NTRK3: variants seen among roughly 807,000 people sequenced by gnomAD.
NTRK3 encodes the protein neurotrophic receptor tyrosine kinase 3.
In NTRK3, 24 loss-of-function variants were observed where a neutral mutation model predicts 91.7. The ratio of observed to expected loss-of-function variants is 0.26; its 90% CI spans 0.19 to 0.37. NTRK3 has a LOEUF of 0.37. NTRK3 is among the 10% of genes least tolerant of loss of function. The pLI, the probability that NTRK3 is intolerant of heterozygous loss-of-function variation, is 1.00. For synonymous variants in NTRK3, 483 were observed against 404.0 expected (o/e 1.20, Z -2.34); for missense variants, 880 against 1,068.9 (o/e 0.82, Z 2.46).
chr15:88,163,438 C>A (rs2044649075), intron 5 of NTRK3, among the ~76,000 whole-genome samples: 4 of 152,154 alleles, frequency 2.6e-5, no homozygotes, highest in African/African-American at 7.2e-5. Context: ...ACCTCCAGAC[C>A]ACTGGTTTTC....
Position 87,933,156 on chromosome 15 carries a change from C to T in NTRK3, c.1745G>A (p.Arg582Gln), listed in dbSNP as rs202056599. The T allele has an allele frequency of 2.0e-5, 32 of 1,613,986 alleles. No individual in the cohort carries two copies. The Middle Eastern group carries it at 4.9e-4, about 25-fold the overall frequency. ...CTCGGCCTCCCTCTGGAAATCCTTCCGGGCAGCCAGGGTGGGATCCTTCAG... is the reference window on the plus strand; with the variant it reads ...CTCGGCCTCCCTCTGGAAATCCTTCTGGGCAGCCAGGGTGGGATCCTTCAG... Residue 582 changes from arginine (R) to glutamine (Q), a missense_variant, in exon 16 of 19, where the codon CGG becomes CAG. By Grantham distance (43) the Arg-to-Gln change is conservative. Transcript: ENST00000394480.
chr15:87,884,455 C>G (rs2065423758), intron 17 of NTRK3, among the ~76,000 whole-genome samples: 1 of 151,560 alleles, frequency 6.6e-6, no homozygotes, highest in African/African-American at 2.4e-5. Flanking sequence ...TTTCCCAAAC[C>G]ATTCTATGTG....
At chr15:88,071,575 T>C (rs777375027) in intron 13 of NTRK3, among the ~76,000 whole-genome samples, 3 of 152,236 alleles carry the variant, frequency 2.0e-5, no homozygotes, top group Non-Finnish European at 2.9e-5. Flanking sequence ...CCTATTATGG[T>C]TAGGCAGCAT....
chr15:88,023,221 G>T (rs572193447), intron 14 of NTRK3, among the ~76,000 whole-genome samples: 13 of 152,204 alleles, frequency 8.5e-5, no homozygotes, highest in African/African-American at 3.1e-4. Context: ...CATGGGCCCA[G>T]GACTTATTTG....
chr15:87,863,524 CT>C (rs36088298), exon 19 of NTRK3: 3,072 of 193,000 alleles, frequency 0.016, 3 homozygotes, highest in Middle Eastern at 0.031. Context: ...TTCCAAAAGT[CT>C]TTTTTTTTTT....
chr15:88,033,139 CACAA>C, intron 13 of NTRK3, 94 bp from the exon 14 acceptor site: 2 of 1,065,924 alleles, frequency 1.9e-6, no homozygotes, highest in Non-Finnish European at 2.7e-6. Flanking sequence ...CTGTTCCCAT[CACAA>C]ACATTTTCTT....
rs1567690414 is a variant in NTRK3, at chr15:88,233,172, A to G, written c.248+22734T>C. Among the ~76,000 whole-genome samples, 1 of 152,220 alleles carries G rather than the reference A, an allele frequency of 6.6e-6. No individual in the cohort carries two copies. The highest frequency in any genetic ancestry group is 1.5e-5 in the Non-Finnish European group (1 of 68,038). ...CCCCAGGCTATTTTCCTCTGGAGCT[A>G]AAGCCTGAATAAGCAAAAAGAAAAA... On this transcript the variant is annotated intron_variant, in intron 3 of 18. Coordinates refer to ENST00000394480, the Ensembl canonical transcript of NTRK3. This position sits in a 1 kb window ranked among gnomAD's most constrained non-coding sequence, Gnocchi z 4.2.
At chr15:88,139,796 A>C (rs1347192691) in intron 6 of NTRK3, among the ~76,000 whole-genome samples, 1 of 151,708 alleles carries the variant, frequency 6.6e-6, no homozygotes, top group Non-Finnish European at 1.5e-5. Flanking sequence ...GGACTTCAAA[A>C]CTCATGCACT....
chr15:87,989,008 C>G (rs760506354), intron 14 of NTRK3, among the ~76,000 whole-genome samples: 21 of 151,936 alleles, frequency 1.4e-4, no homozygotes, highest in Non-Finnish European at 2.8e-4. Flanking sequence ...ACTTTCACCT[C>G]CTGGGTCCAA....
At chr15:87,917,235 G>A (rs2067510591) in intron 17 of NTRK3, among the ~76,000 whole-genome samples, 1 of 152,146 alleles carries the variant, frequency 6.6e-6, no homozygotes, top group Non-Finnish European at 1.5e-5. Flanking sequence ...CACTTCTAAA[G>A]AATGTTAATA....
intron 14 of NTRK3, among the ~76,000 whole-genome samples, chr15:87,952,231 AAAG>A (rs2071192538): frequency 7.1e-6 from 1 of 141,348 alleles, no homozygotes; most frequent in African/African-American, 3.2e-5. Flanking sequence ...AAGAGAAAGA[AAAG>A]AAAAGAAAAA....
In NTRK3 at chr15:88,132,794, T is replaced by A. The variant is rs192580634; in HGVS notation, c.1204+2307A>T. Among the ~76,000 whole-genome samples, 339 of 152,280 alleles carry A rather than the reference T, an allele frequency of 2.2e-3. 3 individuals are homozygous for A. The highest frequency in any genetic ancestry group is 7.6e-3 in the African/African-American group (316 of 41,558). On this transcript the variant is annotated intron_variant, in intron 10 of 18. Coordinates refer to ENST00000394480, the Ensembl canonical transcript of NTRK3. ...TTGGCATCGTTTCCCTGTCACTGCC[T>A]TTTCATCACCCATTGATCCCTTTAA... is the stretch of plus-strand genomic sequence containing the variant.
At chr15:87,862,606 C>A (rs1596026015) in exon 19 of NTRK3, 1 of 227,156 alleles carries the variant, frequency 4.4e-6, no homozygotes, top group Admixed American at 5.7e-5. Context: ...TAAGAGTAGA[C>A]AATGATGACT....
intron 14 of NTRK3, among the ~76,000 whole-genome samples, chr15:87,973,577 A>C (rs910070651): frequency 6.6e-6 from 1 of 152,186 alleles, no homozygotes; most frequent in Admixed American, 6.5e-5. Flanking sequence ...ATGCAGAACC[A>C]GAGCTATCCA....
chr15:88,073,218 A>T (rs2047240694), intron 13 of NTRK3, among the ~76,000 whole-genome samples: 1 of 152,350 alleles, frequency 6.6e-6, no homozygotes, highest in African/African-American at 2.4e-5. Context: ...CACAATTGGA[A>T]GAGAAACTCT....
intron 17 of NTRK3, among the ~76,000 whole-genome samples, chr15:87,924,935 G>C (rs1420902674): frequency 6.6e-6 from 1 of 151,996 alleles, no homozygotes; most frequent in Non-Finnish European, 1.5e-5. Context: ...TCAGTGTATT[G>C]ACTCCTCTCC....
intron 6 of NTRK3, among the ~76,000 whole-genome samples, chr15:88,144,779 T>C (rs3784405): frequency 0.22 from 32,911 of 152,070 alleles, 3,788 homozygotes; most frequent in Middle Eastern, 0.27. Context: ...ATGCTCAAGA[T>C]GTGCCTCTTC....
At chr15:87,923,459 T>C (rs969097205) in intron 17 of NTRK3, among the ~76,000 whole-genome samples, 2 of 152,194 alleles carry the variant, frequency 1.3e-5, no homozygotes, top group African/African-American at 4.8e-5. Flanking sequence ...TAGAGCTCCA[T>C]GAGCCTGAAT....
intron 17 of NTRK3, among the ~76,000 whole-genome samples, chr15:87,900,911 G>T (rs1428560070): frequency 6.6e-6 from 1 of 152,142 alleles, no homozygotes; most frequent in Non-Finnish European, 1.5e-5. Context: ...AAAAGGGGAT[G>T]ATTTGGTCAA....
Sources: allele counts gnomAD v4.1 joint callset (sites outside exome capture counted in the v4.1 genomes callset), GRCh38; gene constraint gnomAD v4.1.1; non-coding constraint Gnocchi (gnomAD v3.1); transcripts MANE v1.5; gene names NCBI Gene and HGNC (gene_info 2026-07-23, HGNC 2026-07-21).